The following NEK11 variants were observed in gnomAD, a reference collection of about 807,000 sequenced individuals.
The protein encoded by NEK11 is serine/threonine-protein kinase Nek11.
Under a neutral mutation model 80.7 loss-of-function variants are expected in NEK11, and 72 were observed. The observed-to-expected ratio is 0.89, with a 90% CI of 0.74 to 1.08. NEK11 has a LOEUF of 1.08. NEK11 is among the 50% of genes least tolerant of loss of function. The pLI is 0.00. For missense variants in NEK11, 764 were observed against 763.6 expected, an observed-to-expected ratio of 1.00 and a Z score of -0.01; for synonymous variants, 251 against 260.7, an observed-to-expected ratio of 0.96 and a Z score of 0.36.
intron 5 of NEK11, among the ~76,000 whole-genome samples, chr3:131,130,234 T>C (rs2084180423): frequency 6.6e-6 from 1 of 152,204 alleles, no homozygotes; most frequent in Non-Finnish European, 1.5e-5. Flanking sequence ...ATTCTACTTG[T>C]TCATTGCTGG....
At chr3:131,141,060 G>A (rs138485915) in intron 7 of NEK11, among the ~76,000 whole-genome samples, 2 of 152,088 alleles carry the variant, frequency 1.3e-5, no homozygotes, top group African/African-American at 4.8e-5. Flanking sequence ...TTTATACCAT[G>A]GAAATTTGTA....
intron 17 of NEK11, among the ~76,000 whole-genome samples, chr3:131,299,446 C>A (rs1044570243): frequency 6.6e-6 from 1 of 151,962 alleles, no homozygotes; most frequent in Non-Finnish European, 1.5e-5. Flanking sequence ...CCTGCCTCAG[C>A]CTCCCAAAAG....
chr3:131,189,282 A>G (rs955488070), intron 14 of NEK11, among the ~76,000 whole-genome samples: 16 of 152,204 alleles, frequency 1.1e-4, no homozygotes, highest in Admixed American at 6.5e-5. Context: ...CAGCAGGCCT[A>G]GGAAACTAAA....
chr3:131,134,201 G>A (rs886591094), intron 7 of NEK11: 2 of 339,030 alleles, frequency 5.9e-6, no homozygotes, highest in Admixed American at 9.4e-5. Context: ...GAATCACAAG[G>A]GAAAGTTCTT....
At position 131,288,451 on chromosome 3, in the gene NEK11, T is replaced by TTTCTTTCTTTCTTTC. The variant is rs555505456; in HGVS notation, c.1718+14879_1718+14880insCTTTCTTTCTTTCTT. Among the ~76,000 whole-genome samples the TTTCTTTCTTTCTTTC allele has an allele frequency of 6.6e-4, 42 of 63,550 alleles. No individual in the cohort carries two copies. In the South Asian group the frequency reaches 0.015, roughly 22 times the overall value. 41.7% of individuals were successfully genotyped at this position (63,550 alleles called of 152,430 possible). On this transcript the variant is annotated intron_variant, in intron 17 of 17. Coordinates refer to ENST00000383366, the MANE Select transcript of NEK11 (RefSeq NM_024800.5). Reference sequence around the variant, plus strand: ...TATATGGTATGCATTTCTTTCTTTCTTTTTTTTTTTTTTTTTTTGAGACGG... The same window carrying TTTCTTTCTTTCTTTC: ...TATATGGTATGCATTTCTTTCTTTCTTTCTTTCTTTCTTTCTTTTTTTTTTTTTTTTTTGAGACGG...
chr3:131,277,162 G>A (rs2096306985), intron 17 of NEK11, among the ~76,000 whole-genome samples: 1 of 152,132 alleles, frequency 6.6e-6, no homozygotes, highest in Non-Finnish European at 1.5e-5. Flanking sequence ...AAAGTAGTCA[G>A]AGTAGTATAA....
At chr3:131,190,980 CAT>C (rs2093772138) in intron 14 of NEK11, among the ~76,000 whole-genome samples, 2 of 152,074 alleles carry the variant, frequency 1.3e-5, no homozygotes, top group African/African-American at 4.8e-5. Flanking sequence ...AAGTGAAACA[CAT>C]AGCCAATAAA....
chr3:131,225,353 G>C (rs185466844), intron 14 of NEK11, among the ~76,000 whole-genome samples: 2 of 152,216 alleles, frequency 1.3e-5, no homozygotes, highest in Admixed American at 6.5e-5. Context: ...TTTGTAATAA[G>C]TACACTCTAT....
chr3:131,046,825 T>G (rs2067474280), intron 3 of NEK11, among the ~76,000 whole-genome samples: 1 of 152,184 alleles, frequency 6.6e-6, no homozygotes, highest in African/African-American at 2.4e-5. Flanking sequence ...CTTCTCGTAT[T>G]TGGATGCCTA....
chr3:131,298,585 C>G (rs2096626760), intron 17 of NEK11, among the ~76,000 whole-genome samples: 1 of 152,120 alleles, frequency 6.6e-6, no homozygotes, highest in South Asian at 2.1e-4. Flanking sequence ...TAATGTAATT[C>G]TTATCTTTGT....
chr3:131,136,715 A>G (rs953163161), intron 7 of NEK11, among the ~76,000 whole-genome samples: 4 of 152,234 alleles, frequency 2.6e-5, no homozygotes, highest in Admixed American at 6.5e-5. Flanking sequence ...CCAAAAGTTT[A>G]TAAAGTTATT....
chr3:131,071,903 C>T (rs967841149), intron 3 of NEK11, among the ~76,000 whole-genome samples: 2 of 152,156 alleles, frequency 1.3e-5, no homozygotes, highest in African/African-American at 4.8e-5. Flanking sequence ...AAAGGGCTTA[C>T]CTTTCTTCTA....
chr3:131,169,974 G>T (rs75983998), intron 13 of NEK11, among the ~76,000 whole-genome samples: 10 of 152,274 alleles, frequency 6.6e-5, no homozygotes, highest in African/African-American at 2.4e-4. Flanking sequence ...ACAGAAAACT[G>T]ACTTCTTAAA....
At chr3:131,237,063 G>A (rs2095442337) in intron 15 of NEK11, among the ~76,000 whole-genome samples, 1 of 152,126 alleles carries the variant, frequency 6.6e-6, no homozygotes. Context: ...GGTGGGGCTG[G>A]GTACATTGGC....
intron 16 of NEK11, among the ~76,000 whole-genome samples, chr3:131,247,162 C>A (rs2095616681): frequency 6.6e-6 from 1 of 152,012 alleles, no homozygotes; most frequent in Non-Finnish European, 1.5e-5. Flanking sequence ...GATGCATTTG[C>A]TTTCAGGTTC....
chr3:131,278,857 G>C (rs912995800), intron 17 of NEK11, among the ~76,000 whole-genome samples: 5 of 152,086 alleles, frequency 3.3e-5, no homozygotes, highest in Non-Finnish European at 1.5e-5. Flanking sequence ...ACCTGCACCA[G>C]GGACATCATC....
At chr3:131,226,394 C>A (rs1300079216) in intron 14 of NEK11, among the ~76,000 whole-genome samples, 2 of 152,088 alleles carry the variant, frequency 1.3e-5, no homozygotes, top group South Asian at 2.1e-4. Context: ...TATCACAACA[C>A]AATTCACAAT....
At chr3:131,211,879 T>G (rs1303616769) in intron 14 of NEK11, among the ~76,000 whole-genome samples, 1 of 152,200 alleles carries the variant, frequency 6.6e-6, no homozygotes, top group Non-Finnish European at 1.5e-5. Flanking sequence ...CTAATCTTTT[T>G]TCAAGGCTTT....
chr3:131,248,054 A>C (rs2095634853), intron 16 of NEK11, among the ~76,000 whole-genome samples: 2 of 151,896 alleles, frequency 1.3e-5, no homozygotes. Flanking sequence ...AGATAATTTG[A>C]CTTTCTTTTT....
Sources: gnomAD v4.1 joint callset for allele counts (sites outside exome capture counted in the v4.1 genomes callset) on GRCh38, gnomAD v4.1.1 for gene constraint, MANE v1.5 for transcripts, NCBI Gene and HGNC (gene_info 2026-07-23, HGNC 2026-07-21) for gene names.